The following PDE4D variants were observed in gnomAD, a reference collection of about 807,000 sequenced individuals.
The protein encoded by PDE4D is 3',5'-cyclic-AMP phosphodiesterase 4D.
PDE4D carries 24 observed loss-of-function variants against 87.4 expected under a neutral mutation model. The ratio of observed to expected loss-of-function variants is 0.27; its 90% confidence interval spans 0.20 to 0.39. The LOEUF is 0.39. PDE4D is among the 10% of genes least tolerant of loss of function. PDE4D has a pLI of 1.00. For missense variants in PDE4D, 714 were observed against 1,041.0 expected (o/e 0.69, Z 4.32); for synonymous variants, 384 against 383.2 (o/e 1.00, Z -0.02).
intron 1 of PDE4D, among the ~76,000 whole-genome samples, chr5:59,821,954 G>T (rs1769734555): frequency 6.6e-6 from 1 of 152,022 alleles, no homozygotes; most frequent in Non-Finnish European, 1.5e-5. Flanking sequence ...TCTTAATATT[G>T]TTACTGCTGA....
Position 59,893,408 on chromosome 5 carries a change from G to A in PDE4D, c.215C>T (p.Pro72Leu), listed in dbSNP as rs752736720. ...GGGGGGCGGCGGCGGCGGCTGTAGC[G>A]GACACTGGGGCTGGGGCTGGGGCGA... Reference protein sequence around the residue: ...PPSPQPQPQCPLQPPPPPPLP... With the variant: ...PPSPQPQPQCLLQPPPPPPLP... Residue 72 changes from proline (P) to leucine (L), a missense_variant, in exon 1 of 15, where the codon CCG (proline) becomes CTG (leucine). Pro to Leu is a moderately conservative substitution (Grantham distance 98). This residue lies in a region of PDE4D where 268 missense variants were observed against 272.9 expected (regional missense o/e 0.98). Transcript: ENST00000340635. The A allele has an allele frequency of 2.8e-6, 4 of 1,416,708 alleles. No homozygotes were observed. In the South Asian group the frequency reaches 4.4e-5, roughly 15 times the overall value. 87.8% of individuals were successfully genotyped at this position (1,416,708 alleles called of 1,614,324 possible). A position where few individuals can be genotyped will look rare whatever the true frequency, so the allele number is the denominator to read the frequency against.
At chr5:58,976,565 C>A in intron 12 of PDE4D, 93 bp from the exon 13 acceptor site, 2 of 971,304 alleles carry the variant, frequency 2.1e-6, no homozygotes, top group African/African-American at 1.6e-5. Flanking sequence ...AGGAATAAAA[C>A]AACACTATGC....
At chr5:59,246,989 A>G (rs866586691) in intron 1 of PDE4D, among the ~76,000 whole-genome samples, 1 of 152,194 alleles carries the variant, frequency 6.6e-6, no homozygotes, top group African/African-American at 2.4e-5. Context: ...AGTTTCAGTT[A>G]CAAGCCACAT....
At chr5:59,839,570 C>T (rs757010153) in intron 1 of PDE4D, among the ~76,000 whole-genome samples, 1 of 151,974 alleles carries the variant, frequency 6.6e-6, no homozygotes, top group African/African-American at 2.4e-5. Flanking sequence ...GACTGAACTT[C>T]AAATATGTAA....
intron 1 of PDE4D, among the ~76,000 whole-genome samples, chr5:59,756,986 C>T (rs895295934): frequency 6.6e-5 from 10 of 152,014 alleles, no homozygotes; most frequent in East Asian, 5.8e-4. Context: ...TTAGTAGAGA[C>T]GAGGTTTCAC....
chr5:60,483,656 A>T (rs940425658), intron 1 of PDE4D, among the ~76,000 whole-genome samples: 1 of 152,192 alleles, frequency 6.6e-6, no homozygotes, highest in Non-Finnish European at 1.5e-5. Context: ...TTCTTATCCA[A>T]TCACCAAAGG....
At chr5:60,284,976 A>G (rs1752280864) in intron 1 of PDE4D, among the ~76,000 whole-genome samples, 1 of 152,118 alleles carries the variant, frequency 6.6e-6, no homozygotes, top group Admixed American at 6.6e-5. Context: ...AACATCCATT[A>G]TGCATCATCT....
intron 1 of PDE4D, among the ~76,000 whole-genome samples, chr5:60,267,721 G>A (rs1295059375): frequency 1.3e-5 from 2 of 152,060 alleles, no homozygotes; most frequent in African/African-American, 4.8e-5. Context: ...TTGATTCAGG[G>A]CTCTCCACAG....
At chr5:60,298,527 A>G (rs1331183662) in intron 1 of PDE4D, among the ~76,000 whole-genome samples, 1 of 152,206 alleles carries the variant, frequency 6.6e-6, no homozygotes, top group Non-Finnish European at 1.5e-5. Flanking sequence ...TTAGGCAACT[A>G]ATTATTTCAA....
chr5:59,419,669 C>A (rs1377206058), intron 1 of PDE4D, among the ~76,000 whole-genome samples: 1 of 152,152 alleles, frequency 6.6e-6, no homozygotes, highest in Non-Finnish European at 1.5e-5. Context: ...AGTTTTTTTA[C>A]TGACGTGCAT....
intron 1 of PDE4D, among the ~76,000 whole-genome samples, chr5:60,337,388 T>TATACATACAC (rs66871903): frequency 2.2e-5 from 2 of 89,478 alleles, no homozygotes; most frequent in Non-Finnish European, 4.4e-5. Flanking sequence ...TATATATATA[T>TATACATACAC]ACACACACAC....
intron 1 of PDE4D, among the ~76,000 whole-genome samples, chr5:59,235,974 AT>A (rs1756333483): frequency 6.6e-6 from 1 of 152,212 alleles, no homozygotes; most frequent in South Asian, 2.1e-4. Flanking sequence ...TCTGAAGAAT[AT>A]TTCAGAAAAA....
At chr5:60,339,541 G>A (rs553549785) in intron 1 of PDE4D, among the ~76,000 whole-genome samples, 1 of 152,196 alleles carries the variant, frequency 6.6e-6, no homozygotes, top group Non-Finnish European at 1.5e-5. Flanking sequence ...ACGGTTGACT[G>A]CAGGTAACCG....
intron 5 of PDE4D, among the ~76,000 whole-genome samples, chr5:59,155,945 A>G (rs1353876715): frequency 6.6e-6 from 1 of 152,118 alleles, no homozygotes; most frequent in African/African-American, 2.4e-5. Flanking sequence ...TGCTGAAAGG[A>G]GATGAAGAGC....
At chr5:59,547,051 G>C (rs1817390956) in intron 1 of PDE4D, among the ~76,000 whole-genome samples, 1 of 152,132 alleles carries the variant, frequency 6.6e-6, no homozygotes. Flanking sequence ...TTTTCTGACT[G>C]TGTTGCCTAT....
In PDE4D at chr5:59,633,591, C is replaced by T. The variant is rs186477010; in HGVS notation, c.455+259577G>A. On this transcript the variant is annotated intron_variant, in intron 1 of 14. Coordinates refer to ENST00000340635, the MANE Select transcript of PDE4D (RefSeq NM_001104631.2). ...AGAGTGGGGGCCAATATTCAACATTCTTAAAGAGAAGAATTTGCAACCCAG... is the reference window on the plus strand; with the variant it reads ...AGAGTGGGGGCCAATATTCAACATTTTTAAAGAGAAGAATTTGCAACCCAG... Among the ~76,000 whole-genome samples the T allele has an allele frequency of 2.0e-3, 305 of 152,296 alleles. 2 individuals carry two copies. Among genetic ancestry groups the T allele is most frequent in the Middle Eastern group, 6.8e-3 (2 of 294 alleles).
At chr5:59,368,675 A>T (rs1783470479) in intron 1 of PDE4D, among the ~76,000 whole-genome samples, 1 of 152,240 alleles carries the variant, frequency 6.6e-6, no homozygotes, top group Non-Finnish European at 1.5e-5. Context: ...CAATGTATGC[A>T]GGAAGAGTTG....
intron 1 of PDE4D, among the ~76,000 whole-genome samples, chr5:59,678,242 A>G (rs1300657490): frequency 6.6e-6 from 1 of 152,194 alleles, no homozygotes; most frequent in Non-Finnish European, 1.5e-5. Flanking sequence ...TCTTATTGTA[A>G]AAGTAACAAC....
chr5:59,447,456 G>A (rs1798515211), intron 1 of PDE4D, among the ~76,000 whole-genome samples: 1 of 152,218 alleles, frequency 6.6e-6, no homozygotes, highest in South Asian at 2.1e-4. Context: ...TCTCATGGAT[G>A]AATATCACAT....
Sources: allele counts gnomAD v4.1 joint callset (sites outside exome capture counted in the v4.1 genomes callset), GRCh38; gene constraint gnomAD v4.1.1; regional missense constraint gnomAD v4.1.1; transcripts MANE v1.5; gene names NCBI Gene and HGNC (gene_info 2026-07-23, HGNC 2026-07-21).